The following GPC6 variants were observed in gnomAD, a reference collection of about 807,000 sequenced individuals.
The protein encoded by GPC6 is glypican 6, also known as glypican-6.
GPC6 carries 14 observed loss-of-function variants against 55.2 expected under a neutral mutation model. The ratio of observed to expected loss-of-function variants is 0.25; its 90% confidence interval spans 0.17 to 0.40. The LOEUF is 0.40. GPC6 is among the 10% of genes least tolerant of loss of function. GPC6 has a pLI of 1.00. For synonymous variants in GPC6, 278 were observed against 259.6 expected, an observed-to-expected ratio of 1.07 and a Z score of -0.68; for missense variants, 641 against 708.5, an observed-to-expected ratio of 0.90 and a Z score of 1.08.
chr13:93,473,844 C>T (rs550092086), intron 1 of GPC6, among the ~76,000 whole-genome samples: 1 of 152,282 alleles, frequency 6.6e-6, no homozygotes, highest in South Asian at 2.1e-4. Flanking sequence ...AATCCCAAGC[C>T]ATGGATTTTA....
intron 4 of GPC6, among the ~76,000 whole-genome samples, chr13:94,138,739 T>G (rs1887269102): frequency 6.6e-6 from 1 of 152,142 alleles, no homozygotes; most frequent in African/African-American, 2.4e-5. Context: ...GGCTGAAAAC[T>G]TGCACTACGG....
At chr13:94,268,295 G>A (rs11842838) in intron 4 of GPC6, among the ~76,000 whole-genome samples, 7,035 of 152,200 alleles carry the variant, frequency 0.046, 264 homozygotes, top group African/African-American at 0.1. Flanking sequence ...GAAAAGTGTA[G>A]CAGCCAACAC....
intron 2 of GPC6, among the ~76,000 whole-genome samples, chr13:93,784,555 A>G (rs557228779): frequency 2.6e-5 from 4 of 152,308 alleles, no homozygotes; most frequent in African/African-American, 7.2e-5. Flanking sequence ...TATTTCTCAG[A>G]TGCAGAAGTA....
chr13:93,363,291 C>T (rs558085427), intron 1 of GPC6, among the ~76,000 whole-genome samples: 7 of 151,134 alleles, frequency 4.6e-5, no homozygotes. Context: ...CTCCTCCCCC[C>T]ACCCCACAAC....
At chr13:93,545,585 A>T (rs1369546670) in intron 2 of GPC6, among the ~76,000 whole-genome samples, 164 bp downstream of exon 2, 1 of 146,230 alleles carries the variant, frequency 6.8e-6, no homozygotes, top group Admixed American at 6.9e-5. Flanking sequence ...CTTGACAGTA[A>T]TTTTTTTTTT....
At chr13:93,428,348 G>C (rs1877228252) in intron 1 of GPC6, among the ~76,000 whole-genome samples, 1 of 152,126 alleles carries the variant, frequency 6.6e-6, no homozygotes, top group African/African-American at 2.4e-5. Context: ...ACATTACAGA[G>C]AGAATGTTAC....
At chr13:94,239,969 A>G (rs56670717) in intron 4 of GPC6, among the ~76,000 whole-genome samples, 1 of 152,100 alleles carries the variant, frequency 6.6e-6, no homozygotes, top group Non-Finnish European at 1.5e-5. Context: ...CCTACTTTAA[A>G]ACAGCACTGA....
intron 4 of GPC6, among the ~76,000 whole-genome samples, chr13:94,037,107 T>C (rs751986129): frequency 3.9e-5 from 6 of 152,048 alleles, no homozygotes; most frequent in Non-Finnish European, 5.9e-5. Context: ...CTAAGAGGAC[T>C]TCAGGAATAA....
At chr13:93,520,859 C>T (rs1487176932) in intron 1 of GPC6, among the ~76,000 whole-genome samples, 1 of 151,762 alleles carries the variant, frequency 6.6e-6, no homozygotes, top group Non-Finnish European at 1.5e-5. Context: ...ACTATACAGG[C>T]ATGGAGATGA....
rs976393274 is a variant in GPC6, at chr13:93,697,535, G to A, written c.320-132619G>A. Among the ~76,000 whole-genome samples the A allele has an allele frequency of 7.2e-5, 11 of 152,058 alleles. 1 individual carries two copies. The highest frequency in any genetic ancestry group is 1.5e-5 in the Non-Finnish European group (1 of 68,010). ...ATGGCCAGCCATTCTGTCGGTTTTT[G>A]CTGTTGAATCCACAGTTATTAGAGC... On this transcript the variant is annotated intron_variant, in intron 2 of 8. Transcript: ENST00000377047.
rs139121637 is a variant in GPC6 at position 94,170,488 on chromosome 13, T to C, written c.878-115861T>C. On this transcript the variant is annotated intron_variant, in intron 4 of 8. Coordinates refer to ENST00000377047, the MANE Select transcript of GPC6 (RefSeq NM_005708.5). ...CCCAGTAGCCGCTGTGTGCTGGCCA[T>C]TGGGGAGAGATTCTGATGGTGACAT... Among the ~76,000 whole-genome samples the C allele has an allele frequency of 1.3e-3, 197 of 152,254 alleles. 2 individuals are homozygous for C. Among genetic ancestry groups the C allele is most frequent in the East Asian group, 6.2e-3 (32 of 5,182 alleles).
chr13:94,062,894 C>A (rs930774674), intron 4 of GPC6, among the ~76,000 whole-genome samples: 10 of 152,134 alleles, frequency 6.6e-5, no homozygotes, highest in Non-Finnish European at 1.5e-4. Context: ...CGGATGAATA[C>A]CCTACAGTGA....
At chr13:93,839,922 A>C (rs974958794) in intron 3 of GPC6, among the ~76,000 whole-genome samples, 1 of 152,038 alleles carries the variant, frequency 6.6e-6, no homozygotes, top group Non-Finnish European at 1.5e-5. Flanking sequence ...ATCAGTCCGT[A>C]GTTTTCTTTT....
intron 1 of GPC6, among the ~76,000 whole-genome samples, chr13:93,367,714 T>G (rs1164762122): frequency 6.6e-6 from 1 of 152,090 alleles, no homozygotes; most frequent in African/African-American, 2.4e-5. Flanking sequence ...AGTGTGTTGC[T>G]TAGTTTCCAG....
At chr13:93,692,525 A>G (rs1276467053) in intron 2 of GPC6, among the ~76,000 whole-genome samples, 1 of 152,108 alleles carries the variant, frequency 6.6e-6, no homozygotes, top group African/African-American at 2.4e-5. Context: ...TAACTGTAAG[A>G]TAGTTCTAGG....
intron 2 of GPC6, among the ~76,000 whole-genome samples, chr13:93,821,288 T>C (rs1272493883): frequency 6.6e-6 from 1 of 152,186 alleles, no homozygotes; most frequent in Non-Finnish European, 1.5e-5. Flanking sequence ...AACCCCTTCT[T>C]GAAACTGTTA....
intron 1 of GPC6, among the ~76,000 whole-genome samples, chr13:93,274,653 C>A (rs1335966508): frequency 6.6e-6 from 1 of 152,120 alleles, no homozygotes; most frequent in Non-Finnish European, 1.5e-5. Context: ...ATAGAACCTG[C>A]CTTCAGATAA....
chr13:94,095,747 G>C (rs1594732273), intron 4 of GPC6, among the ~76,000 whole-genome samples: 1 of 152,126 alleles, frequency 6.6e-6, no homozygotes, highest in Non-Finnish European at 1.5e-5. Flanking sequence ...ATAGATGGAG[G>C]GGGAGAAATT....
rs138596879 is a variant in GPC6, at chr13:94,179,079, G to T, written c.878-107270G>T. 7.0e-4 allele frequency among the ~76,000 whole-genome samples: 106 copies of T among 152,180 alleles called. 1 individual carries two copies. The highest frequency in any genetic ancestry group is 3.4e-3 in the Middle Eastern group (1 of 294). ...TCAGGCTTTGAATCTGGCTCAGATC[G>T]TCTCGTTTCTGTGGAAACCCCATGG... is the stretch of plus-strand genomic sequence containing the variant. On this transcript the variant is annotated intron_variant, in intron 4 of 8. Coordinates refer to ENST00000377047, the MANE Select transcript of GPC6 (RefSeq NM_005708.5).
Sources: gnomAD v4.1 joint callset for allele counts (sites outside exome capture counted in the v4.1 genomes callset) on GRCh38, gnomAD v4.1.1 for gene constraint, MANE v1.5 for transcripts, NCBI Gene and HGNC (gene_info 2026-07-23, HGNC 2026-07-21) for gene names.